The following BCL2L11 variants were observed in gnomAD, a reference collection of about 807,000 sequenced individuals.
BCL2L11 encodes bcl-2-like protein 11.
BCL2L11 carries 15 observed loss-of-function variants against 20.6 expected under a neutral mutation model. The observed-to-expected ratio is 0.73, with a 90% CI of 0.49 to 1.12. BCL2L11 has a LOEUF of 1.12. Among genes scored for constraint, BCL2L11 ranks in the 50% most tolerant of loss-of-function variants. The pLI is 0.00. For missense variants in BCL2L11, 292 were observed against 260.9 expected (o/e 1.12, Z -0.82); for synonymous variants, 108 against 92.8 (o/e 1.16, Z -0.94).
intron 3 of BCL2L11, among the ~76,000 whole-genome samples, chr2:111,162,281 T>G (rs531547398): frequency 8.5e-5 from 13 of 152,350 alleles, no homozygotes; most frequent in African/African-American, 3.1e-4. Context: ...TGCCATGTTG[T>G]CATGCCCGCC....
intron 1 of BCL2L11, chr2:111,123,409 CGAA>C (rs762805095): frequency 3.0e-6 from 3 of 985,450 alleles, no homozygotes; most frequent in Non-Finnish European, 3.6e-6. Context: ...CTGACTTACT[CGAA>C]GAAGTCTGTC....
chr2:111,122,090 T>A (rs2071133315), intron 1 of BCL2L11, among the ~76,000 whole-genome samples: 1 of 151,996 alleles, frequency 6.6e-6, no homozygotes, highest in South Asian at 2.1e-4. Flanking sequence ...GACGTGCGCG[T>A]CCGCGGCCAG....
intron 3 of BCL2L11, among the ~76,000 whole-genome samples, chr2:111,157,120 G>A (rs114803364): frequency 0.024 from 3,632 of 152,298 alleles, 147 homozygotes; most frequent in African/African-American, 0.082. Context: ...CACCACGTGT[G>A]AGTGCTCATC....
intron 3 of BCL2L11, among the ~76,000 whole-genome samples, chr2:111,157,416 T>A (rs2078002119): frequency 6.6e-6 from 1 of 152,342 alleles, no homozygotes; most frequent in South Asian, 2.1e-4. Flanking sequence ...CTATGTTACG[T>A]CTCACTTAGC....
chr2:111,152,742 A>G (rs1372330015), intron 3 of BCL2L11, among the ~76,000 whole-genome samples: 2 of 152,234 alleles, frequency 1.3e-5, no homozygotes, highest in African/African-American at 2.4e-5. Flanking sequence ...TAACAGGTTC[A>G]TAGCCTGCCT....
chr2:111,123,755 C>T lies in BCL2L11; in HGVS notation c.10C>T (p.Gln4Ter). 7.2e-7 allele frequency: 1 copy of T among 1,383,782 alleles called. No homozygotes were observed. The highest frequency in any genetic ancestry group is 9.4e-7 in the Non-Finnish European group (1 of 1,061,524). 85.7% of individuals were successfully genotyped at this position (1,383,782 alleles called of 1,614,324 possible). A position where few individuals can be genotyped will look rare whatever the true frequency, so the allele number is the denominator to read the frequency against. ...CAGAAAAAAAGACCAAATGGCAAAG[C>T]AACCTTCTGATGTAAGTTCTGAGTG... MAK[Q>*]PSDVSSECDR... The change falls in exon 2 of 4, where the codon CAA becomes TAA. Residue 4 changes from glutamine (Q) to a stop codon, truncating the protein, a stop_gained. Coordinates refer to ENST00000393256, the MANE Select transcript of BCL2L11 (RefSeq NM_138621.5). LOFTEE classifies it high-confidence loss of function.
At chr2:111,140,943 G>A (rs1036186528) in intron 2 of BCL2L11, among the ~76,000 whole-genome samples, 2 of 152,164 alleles carry the variant, frequency 1.3e-5, no homozygotes, top group South Asian at 2.1e-4. Flanking sequence ...CTCTGTCCTC[G>A]GCAAAGAAAG....
At chr2:111,136,833 C>T (rs563892018) in intron 2 of BCL2L11, among the ~76,000 whole-genome samples, 1 of 152,206 alleles carries the variant, frequency 6.6e-6, no homozygotes. Context: ...TCAGTTGGCT[C>T]TGGCTGCAAA....
chr2:111,160,291 A>G (rs1309224820), intron 3 of BCL2L11, among the ~76,000 whole-genome samples: 1 of 151,612 alleles, frequency 6.6e-6, no homozygotes, highest in African/African-American at 2.4e-5. Flanking sequence ...TTTCCCTCTC[A>G]TTTTATTTGC....
At chr2:111,146,504 C>T in intron 2 of BCL2L11, among the ~76,000 whole-genome samples, 1 of 152,066 alleles carries the variant, frequency 6.6e-6, no homozygotes, top group East Asian at 1.9e-4. Flanking sequence ...TATGCCAAAC[C>T]CCACGGGCTC....
rs1441599790 is a variant in BCL2L11, at chr2:111,165,775, T to C, written c.*1544T>C. 6.6e-6 allele frequency: 1 copy of C among 152,160 alleles called. No homozygotes were observed. Among genetic ancestry groups the C allele is most frequent in the Non-Finnish European group, 1.5e-5 (1 of 68,030 alleles). The allele number at this position is 152,160 out of a possible 1,614,324, so 9.4% of individuals were successfully genotyped here. A position where few individuals can be genotyped will look rare whatever the true frequency, so the allele number is the denominator to read the frequency against. On this transcript the variant is annotated 3_prime_UTR_variant, in exon 4 of 4. Coordinates refer to ENST00000393256, the MANE Select transcript of BCL2L11 (RefSeq NM_138621.5). ...TGAAAACTCCATCGTTAAACAACTT[T>C]TAAAAGAAATAACTAAATTTTCAAA...
intron 2 of BCL2L11, chr2:111,131,858 T>A (rs2074017931): frequency 6.6e-6 from 1 of 152,224 alleles, no homozygotes; most frequent in South Asian, 2.1e-4. Context: ...TATAGGACAG[T>A]TGGCTTAAGT....
At chr2:111,128,932 A>G (rs2073287730) in intron 2 of BCL2L11, 1 of 1,087,872 alleles carries the variant, frequency 9.2e-7, no homozygotes, top group South Asian at 1.7e-5. Context: ...TTTCATCTAA[A>G]CAGGCTGGCC....
intron 2 of BCL2L11, chr2:111,145,987 C>T (rs1451818555): frequency 1.0e-6 from 1 of 981,762 alleles, no homozygotes; most frequent in Non-Finnish European, 1.2e-6. Context: ...AGGAAGTCAC[C>T]TCTGCCTGAG....
At chr2:111,153,105 C>T (rs550503543) in intron 3 of BCL2L11, among the ~76,000 whole-genome samples, 167 of 152,158 alleles carry the variant, frequency 1.1e-3, no homozygotes, top group Middle Eastern at 3.4e-3. Flanking sequence ...AGGCTGGGTA[C>T]GGTGGCTCAC....
At chr2:111,123,140 CG>C (rs2071563269) in intron 1 of BCL2L11, 1 of 984,072 alleles carries the variant, frequency 1.0e-6, no homozygotes. Flanking sequence ...GGTACGGGAG[CG>C]GGAGGGAGGG....
intron 2 of BCL2L11, among the ~76,000 whole-genome samples, chr2:111,141,590 A>T: frequency 3.3e-5 from 5 of 150,586 alleles, no homozygotes; most frequent in Non-Finnish European, 5.9e-5. Context: ...GGTGCAGCAC[A>T]CCAGCATGGC....
At position 111,155,990 on chromosome 2, in the gene BCL2L11, C is replaced by G. The variant is rs76747641; in HGVS notation, c.498+5843C>G. Among the ~76,000 whole-genome samples, 24 of 152,318 alleles carry G rather than the reference C, an allele frequency of 1.6e-4. 1 individual carries two copies. In the East Asian group the frequency reaches 2.5e-3, roughly 16 times the overall value. On this transcript the variant is annotated intron_variant, in intron 3 of 3. Transcript: ENST00000393256. ...CATTACATTAGCATTTTCCTGTGCTCTGTATGAATTTGAAATACTTATATG... is the reference window on the plus strand; with the variant it reads ...CATTACATTAGCATTTTCCTGTGCTGTGTATGAATTTGAAATACTTATATG...
At chr2:111,122,279 G>A (rs946415567) in intron 1 of BCL2L11, among the ~76,000 whole-genome samples, 3 of 152,224 alleles carry the variant, frequency 2.0e-5, no homozygotes, top group Admixed American at 6.5e-5. Context: ...GTCCGGGCGC[G>A]GCGCAAGTCC....
Sources: gnomAD v4.1 joint callset for allele counts (sites outside exome capture counted in the v4.1 genomes callset) on GRCh38, gnomAD v4.1.1 for gene constraint, MANE v1.5 for transcripts, NCBI Gene and HGNC (gene_info 2026-07-23, HGNC 2026-07-21) for gene names.